The following C19orf47 variants were observed in gnomAD, a reference collection of about 807,000 sequenced individuals.
C19orf47 encodes the protein chromosome 19 open reading frame 47, also known as uncharacterized protein C19orf47.
In C19orf47, 18 loss-of-function variants were observed where a neutral mutation model predicts 32.3. The ratio of observed to expected loss-of-function variants is 0.56; its 90% CI spans 0.39 to 0.83. The LOEUF is 0.83. Among genes scored for constraint, C19orf47 ranks in the 40% least tolerant of loss-of-function variants. The pLI, the probability that C19orf47 is intolerant of heterozygous loss-of-function variation, is 0.00. For missense variants in C19orf47, 484 were observed against 531.6 expected (o/e 0.91, Z 0.88); for synonymous variants, 202 against 211.1 (o/e 0.96, Z 0.37).
chr19:40,341,516 A>G (rs373938553), intron 2 of C19orf47, among the ~76,000 whole-genome samples: 54 of 152,258 alleles, frequency 3.5e-4, no homozygotes, highest in African/African-American at 1.2e-3. Flanking sequence ...TACATGCTAT[A>G]ATCTCCTTAA....
intron 2 of C19orf47, among the ~76,000 whole-genome samples, chr19:40,341,085 G>A (rs2078168417): frequency 6.6e-6 from 1 of 152,000 alleles, no homozygotes; most frequent in South Asian, 2.1e-4. Flanking sequence ...TGTAATCCCA[G>A]CACTTAGGGA....
At chr19:40,315,466 T>C (rs953925710), downstream of C19orf47, among the ~76,000 whole-genome samples, 1 of 152,030 alleles carries the variant, frequency 6.6e-6, no homozygotes, top group Non-Finnish European at 1.5e-5. Flanking sequence ...GGCAATATAG[T>C]GAGACCTCGT....
At chr19:40,340,449 G>A (rs1006908390) in intron 2 of C19orf47, among the ~76,000 whole-genome samples, 34 of 151,828 alleles carry the variant, frequency 2.2e-4, no homozygotes, top group Admixed American at 5.2e-4. Flanking sequence ...TTGGGAGGCC[G>A]AGGCAGGTGG....
chr19:40,342,007 C>T (rs899537826), intron 1 of C19orf47, 117 bp from the exon 2 acceptor site: 1 of 1,507,266 alleles, frequency 6.6e-7, no homozygotes, highest in African/African-American at 1.4e-5. Context: ...GGGCTCACCG[C>T]CCAGGAATAG....
intron 1 of C19orf47, among the ~76,000 whole-genome samples, chr19:40,346,784 C>T (rs1252632386): frequency 6.6e-6 from 1 of 152,020 alleles, no homozygotes. Flanking sequence ...TCTCGGCCTC[C>T]CAAAGTGCTA....
In C19orf47 at chr19:40,319,549, T is replaced by C. The variant is rs541466073; in HGVS notation, c.*2333A>G. The C allele has an allele frequency of 1.3e-5, 2 of 151,054 alleles. No individual in the cohort carries two copies. The highest frequency in any genetic ancestry group is 2.1e-4 in the South Asian group (1 of 4,652). 9.4% of individuals were successfully genotyped at this position (151,054 alleles called of 1,614,324 possible). A position where few individuals can be genotyped will look rare whatever the true frequency, so the allele number is the denominator to read the frequency against. On this transcript the variant is annotated 3_prime_UTR_variant, in exon 9 of 9. Coordinates refer to ENST00000683109, the MANE Select transcript of C19orf47 (RefSeq NM_001256441.2). ...CAGGCCCTTGGCTTTTTTTTTTTTTTTTTTTGAGATGGAGTCTCGCTCTTG... is the reference window on the plus strand; with the variant it reads ...CAGGCCCTTGGCTTTTTTTTTTTTTCTTTTTGAGATGGAGTCTCGCTCTTG...
At chr19:40,344,281 C>A (rs1218693708) in intron 1 of C19orf47, among the ~76,000 whole-genome samples, 1 of 151,500 alleles carries the variant, frequency 6.6e-6, no homozygotes, top group African/African-American at 2.4e-5. Flanking sequence ...GAGTTTGAGA[C>A]CAGCCTGGCC....
At chr19:40,301,195 G>C in the C19orf47 span, among the ~76,000 whole-genome samples, 1 of 151,818 alleles carries the variant, frequency 6.6e-6, no homozygotes, top group African/African-American at 2.4e-5. Context: ...ACATCAGGAA[G>C]AATAAGAATT....
downstream of C19orf47, among the ~76,000 whole-genome samples, chr19:40,317,583 C>T (rs146326611): frequency 2.5e-3 from 378 of 152,156 alleles, no homozygotes; most frequent in African/African-American, 8.9e-3. Flanking sequence ...GAGGTGGAGG[C>T]GGCATCGGCT....
At chr19:40,328,596 C>T (rs375894468) in intron 5 of C19orf47, 46 bp from the exon 6 acceptor site, 7 of 1,566,068 alleles carry the variant, frequency 4.5e-6, no homozygotes, top group Non-Finnish European at 6.0e-6. Flanking sequence ...TCCTGGAAGA[C>T]AGGCCTCAAT....
At chr19:40,326,115 G>A (rs575700719) in intron 7 of C19orf47, among the ~76,000 whole-genome samples, 1 of 152,210 alleles carries the variant, frequency 6.6e-6, no homozygotes, top group Non-Finnish European at 1.5e-5. Flanking sequence ...TGGGGAAGAG[G>A]TGCCAAGGGG....
At chr19:40,327,978 G>A (rs550838874) in intron 6 of C19orf47, among the ~76,000 whole-genome samples, 1 of 152,176 alleles carries the variant, frequency 6.6e-6, no homozygotes, top group South Asian at 2.1e-4. Flanking sequence ...CAGCCCAGGG[G>A]GTTACAGGAT....
At chr19:40,343,251 C>T (rs538362992) in intron 1 of C19orf47, among the ~76,000 whole-genome samples, 2 of 152,288 alleles carry the variant, frequency 1.3e-5, no homozygotes, top group South Asian at 4.1e-4. Context: ...TGCAGAAGCC[C>T]TCTGTCCCAG....
At chr19:40,343,142 C>A (rs972381696) in intron 1 of C19orf47, among the ~76,000 whole-genome samples, 22 of 152,242 alleles carry the variant, frequency 1.4e-4, no homozygotes, top group African/African-American at 5.3e-4. Context: ...TAGCCCTCTG[C>A]CTCTTCCCTG....
At position 40,336,164 on chromosome 19, in the gene C19orf47, G is replaced by T; in HGVS notation, c.168C>A (p.Thr56=). 6.2e-7 allele frequency: 1 copy of T among 1,614,144 alleles called. No homozygotes were observed. Among genetic ancestry groups the T allele is most frequent in the Non-Finnish European group, 8.5e-7 (1 of 1,180,014 alleles). The change falls in exon 4 of 9, where the codon ACC becomes ACA. Residue 56 remains threonine (T), a synonymous_variant. Coordinates refer to ENST00000683109, the MANE Select transcript of C19orf47 (RefSeq NM_001256441.2). ...NKEIMNELGV[T]VVGDIIAILK... ...GAATGGCGATGATGTCACCCACCACGGTCACGCCCAGCTCATTCATTATCT... is the reference window on the plus strand; with the variant it reads ...GAATGGCGATGATGTCACCCACCACTGTCACGCCCAGCTCATTCATTATCT...
At chr19:40,311,004 G>A in the C19orf47 span, among the ~76,000 whole-genome samples, 1 of 152,140 alleles carries the variant, frequency 6.6e-6, no homozygotes, top group African/African-American at 2.4e-5. Flanking sequence ...TTGGAAGGCC[G>A]AGGTGAGCGG....
rs995224053 is a variant in C19orf47 at position 40,322,739 on chromosome 19, A to C, written c.664-363T>G. On this transcript the variant is annotated intron_variant, in intron 8 of 8. Transcript: ENST00000683109. The stretch of plus-strand genomic sequence containing the variant: ...GATTAATCTGGTCATTCACTCCACG[A>C]ATATTTTGAGTCCCAATTCTATATT... Among the ~76,000 whole-genome samples the C allele has an allele frequency of 3.3e-5, 5 of 152,326 alleles. No individual in the cohort carries two copies. The South Asian group carries it at 6.2e-4, about 19-fold the overall frequency.
downstream of C19orf47, among the ~76,000 whole-genome samples, chr19:40,318,724 T>C (rs2077679738): frequency 2.0e-5 from 3 of 152,150 alleles, no homozygotes; most frequent in Admixed American, 2.0e-4. Context: ...CAGGAGGGTC[T>C]AGCCTGGGCC....
chr19:40,327,977 G>T (rs1033158289), intron 6 of C19orf47, among the ~76,000 whole-genome samples: 2 of 152,186 alleles, frequency 1.3e-5, no homozygotes, highest in Non-Finnish European at 2.9e-5. Context: ...ACAGCCCAGG[G>T]GGTTACAGGA....
Sources: allele counts gnomAD v4.1 joint callset (sites outside exome capture counted in the v4.1 genomes callset), GRCh38; gene constraint gnomAD v4.1.1; transcripts MANE v1.5; gene names NCBI Gene and HGNC (gene_info 2026-07-23, HGNC 2026-07-21).